MYO18B: variants seen among roughly 807,000 people sequenced by gnomAD.
MYO18B encodes the protein unconventional myosin-XVIIIb.
In MYO18B, 204 loss-of-function variants were observed where a neutral mutation model predicts 273.0. The observed-to-expected ratio is 0.75, with a 90% CI of 0.67 to 0.84. The LOEUF is 0.84. Among genes scored for constraint, MYO18B ranks in the 40% least tolerant of loss-of-function variants. The pLI, the probability that MYO18B is intolerant of heterozygous loss-of-function variation, is 0.00. For synonymous variants in MYO18B, 1,330 were observed against 1,305.7 expected (o/e 1.02, Z -0.40); for missense variants, 3,212 against 3,287.6 (o/e 0.98, Z 0.56).
chr22:25,944,316 CTT>C (rs1317133654), intron 34 of MYO18B, among the ~76,000 whole-genome samples: 7 of 152,206 alleles, frequency 4.6e-5, no homozygotes, highest in Non-Finnish European at 8.8e-5. Context: ...CCCCAGCCCT[CTT>C]TTGCTGGGCC....
chr22:25,801,249 G>A (rs2088180695), intron 12 of MYO18B, among the ~76,000 whole-genome samples: 1 of 152,128 alleles, frequency 6.6e-6, no homozygotes, highest in South Asian at 2.1e-4. Context: ...CCTTTGGGGA[G>A]AATTTGGGCC....
intron 21 of MYO18B, among the ~76,000 whole-genome samples, chr22:25,854,638 A>G (rs1819678747): frequency 6.6e-6 from 1 of 152,250 alleles, no homozygotes; most frequent in South Asian, 2.1e-4. Context: ...TGCAAAATTG[A>G]AAGTTGGTAC....
At chr22:25,831,575 G>A (rs985006362) in intron 15 of MYO18B, among the ~76,000 whole-genome samples, 12 of 152,098 alleles carry the variant, frequency 7.9e-5, no homozygotes, top group African/African-American at 2.9e-4. Flanking sequence ...TAGCGATGGG[G>A]TTTCACCATG....
intron 42 of MYO18B, among the ~76,000 whole-genome samples, chr22:26,014,950 T>TA (rs1379703070): frequency 1.3e-5 from 2 of 152,182 alleles, no homozygotes; most frequent in Non-Finnish European, 2.9e-5. Context: ...GGATGCTGGA[T>TA]ATTAGACCTT....
At chr22:25,932,124 A>G (rs2092512207) in intron 34 of MYO18B, among the ~76,000 whole-genome samples, 1 of 152,210 alleles carries the variant, frequency 6.6e-6, no homozygotes, top group East Asian at 1.9e-4. Context: ...TTAAGAAAAT[A>G]TATTTTGAAA....
At chr22:25,998,055 TC>T (rs1310461578) in intron 40 of MYO18B, among the ~76,000 whole-genome samples, 1 of 150,572 alleles carries the variant, frequency 6.6e-6, no homozygotes, top group African/African-American at 2.5e-5. Context: ...TTACAAAAAG[TC>T]ACATTTCCCC....
chr22:25,943,500 C>T (rs560895779), intron 34 of MYO18B, among the ~76,000 whole-genome samples: 138 of 152,230 alleles, frequency 9.1e-4, no homozygotes, highest in Non-Finnish European at 1.5e-3. Context: ...GCCCAGCTCA[C>T]AAGCCTCAGA....
intron 42 of MYO18B, among the ~76,000 whole-genome samples, chr22:26,023,705 C>T (rs887467513): frequency 6.6e-6 from 1 of 152,180 alleles, no homozygotes; most frequent in African/African-American, 2.4e-5. Flanking sequence ...GCATCCAAGA[C>T]ACTCATTCAT....
At chr22:25,867,351 A>G (rs1284312852) in intron 21 of MYO18B, among the ~76,000 whole-genome samples, 1 of 152,090 alleles carries the variant, frequency 6.6e-6, no homozygotes, top group Non-Finnish European at 1.5e-5. Context: ...TACTCTAAGT[A>G]CCTCCTTTAT....
the MYO18B span, among the ~76,000 whole-genome samples, chr22:26,047,536 C>T: frequency 3.9e-5 from 6 of 152,098 alleles, no homozygotes; most frequent in South Asian, 2.1e-4. Flanking sequence ...CCAATATAAC[C>T]GGTTACCACC....
At chr22:26,045,157 G>A in the MYO18B span, among the ~76,000 whole-genome samples, 55 of 151,608 alleles carry the variant, frequency 3.6e-4, no homozygotes, top group Non-Finnish European at 6.9e-4. Context: ...GCACATTTCT[G>A]CTTGCTCTCT....
chr22:25,860,856 T>C (rs1334764650), intron 21 of MYO18B, among the ~76,000 whole-genome samples: 5 of 152,110 alleles, frequency 3.3e-5, no homozygotes, highest in African/African-American at 9.7e-5. Context: ...ATTTGGTTGA[T>C]AGTATTGTTC....
At chr22:26,011,374 G>A (rs1366141461) in intron 42 of MYO18B, among the ~76,000 whole-genome samples, 1 of 152,174 alleles carries the variant, frequency 6.6e-6, no homozygotes, top group Non-Finnish European at 1.5e-5. Context: ...TTCTCACCTG[G>A]CTCTTGGAAA....
chr22:25,850,236 A>G (rs5761276), intron 20 of MYO18B, among the ~76,000 whole-genome samples: 1 of 152,286 alleles, frequency 6.6e-6, no homozygotes, highest in East Asian at 1.9e-4. Flanking sequence ...TTTCTGATCC[A>G]GTCACTTGGG....
At chr22:25,769,899 AGGCTAGAT>A (rs2086655811) in intron 4 of MYO18B, 1 of 554,900 alleles carries the variant, frequency 1.8e-6, no homozygotes, top group Non-Finnish European at 3.2e-6. Flanking sequence ...TCTGTCACCC[AGGCTAGAT>A]GGTGCAGTGG....
intron 39 of MYO18B, among the ~76,000 whole-genome samples, chr22:25,967,097 G>A (rs939630087): frequency 1.3e-5 from 2 of 152,160 alleles, no homozygotes; most frequent in Non-Finnish European, 1.5e-5. Context: ...GGCTCAAGAT[G>A]GCAAACAGAG....
intron 20 of MYO18B, among the ~76,000 whole-genome samples, chr22:25,850,842 C>T (rs117005156): frequency 0.038 from 5,765 of 152,274 alleles, 150 homozygotes; most frequent in East Asian, 0.11. Context: ...ACTTCTCTTC[C>T]ATACCAAGTT....
chr22:25,886,659 G>A (rs559638118), intron 25 of MYO18B, among the ~76,000 whole-genome samples: 126 of 152,276 alleles, frequency 8.3e-4, no homozygotes, highest in African/African-American at 3.0e-3. Flanking sequence ...GGCTATGGCT[G>A]CCTGGTTTGT....
intron 19 of MYO18B, among the ~76,000 whole-genome samples, 197 bp from the exon 20 acceptor site, chr22:25,847,233 C>T (rs2090277932): frequency 6.6e-6 from 1 of 152,204 alleles, no homozygotes; most frequent in Non-Finnish European, 1.5e-5. Context: ...CTCCATGCCT[C>T]AGTTTCTCCA....
Sources: allele counts gnomAD v4.1 joint callset (sites outside exome capture counted in the v4.1 genomes callset), GRCh38; gene constraint gnomAD v4.1.1; transcripts MANE v1.5; gene names NCBI Gene and HGNC (gene_info 2026-07-23, HGNC 2026-07-21).